Variants in NLK observed in about 807,000 individuals in gnomAD.
The protein encoded by NLK is serine/threonine-protein kinase NLK.
A neutral mutation model predicts 59.0 loss-of-function variants in NLK; 11 were observed. That is an observed-to-expected ratio of 0.19 (90% CI 0.12 to 0.31). The LOEUF (loss-of-function observed/expected upper bound fraction) is 0.31. NLK is among the 10% of genes least tolerant of loss of function. The pLI is 1.00. For synonymous variants in NLK, 235 were observed against 235.9 expected, an observed-to-expected ratio of 1.00 and a Z score of 0.03; for missense variants, 410 against 661.1, an observed-to-expected ratio of 0.62 and a Z score of 4.16.
intron 3 of NLK, among the ~76,000 whole-genome samples, chr17:28,142,255 A>C (rs1055215228): frequency 2.6e-5 from 4 of 152,166 alleles, no homozygotes; most frequent in Non-Finnish European, 5.9e-5. Flanking sequence ...TTAAATTACA[A>C]CTGAGGTAGT....
At position 28,122,694 on chromosome 17, in the gene NLK, C is replaced by T; in HGVS notation, c.550C>T (p.Arg184Trp). The T allele has an allele frequency of 6.2e-7, 1 of 1,613,528 alleles. No homozygotes were observed. Among genetic ancestry groups the T allele is most frequent in the Non-Finnish European group, 8.5e-7 (1 of 1,179,746 alleles). Residue 184 changes from arginine to tryptophan, a missense_variant, in exon 2 of 11, where the codon CGG (arginine) becomes TGG (tryptophan). Arg to Trp is a moderately radical substitution (Grantham distance 101, BLOSUM62 -3). Coordinates refer to ENST00000407008, the MANE Select transcript of NLK (RefSeq NM_016231.5). Reference protein sequence around the residue: ...QNLVSCKRVFRELKMLCFFKH... With the variant: ...QNLVSCKRVFWELKMLCFFKH... ...TCTGGTCTCTTGCAAAAGGGTCTTC[C>T]GGGAATTGAAGATGTTGTGTTTTTT... is the stretch of plus-strand genomic sequence containing the variant.
At chr17:28,150,034 G>A (rs1432551420) in intron 3 of NLK, among the ~76,000 whole-genome samples, 1 of 152,140 alleles carries the variant, frequency 6.6e-6, no homozygotes, top group Non-Finnish European at 1.5e-5. Flanking sequence ...ACAAATTGAG[G>A]TAATAGAACT....
chr17:28,060,736 T>C (rs1344289002), intron 1 of NLK, among the ~76,000 whole-genome samples: 2 of 152,204 alleles, frequency 1.3e-5, no homozygotes, highest in East Asian at 1.9e-4. Context: ...TTTAAACTGC[T>C]AGATATTTTA....
At chr17:28,159,988 A>G (rs926506947) in intron 3 of NLK, among the ~76,000 whole-genome samples, 3 of 152,200 alleles carry the variant, frequency 2.0e-5, no homozygotes, top group Non-Finnish European at 4.4e-5. Flanking sequence ...ACAGTTTTGG[A>G]CTTGTTAGTT....
intron 1 of NLK, chr17:28,061,960 T>C (rs887077347): frequency 6.8e-6 from 1 of 147,552 alleles, no homozygotes; most frequent in Admixed American, 6.9e-5. Context: ...AAGAAAACAG[T>C]GCCATCATGT....
At chr17:28,197,081 G>A (rs546564815), downstream of NLK, among the ~76,000 whole-genome samples, 1 of 152,126 alleles carries the variant, frequency 6.6e-6, no homozygotes, top group South Asian at 2.1e-4. Flanking sequence ...AGAATTACTT[G>A]TCAAGAAGCC....
intron 1 of NLK, among the ~76,000 whole-genome samples, chr17:28,053,585 A>T (rs192272695): frequency 5.3e-5 from 8 of 152,342 alleles, no homozygotes; most frequent in Admixed American, 2.0e-4. Flanking sequence ...AGTGTCAGGC[A>T]GCAGACTTCT....
intron 5 of NLK, among the ~76,000 whole-genome samples, chr17:28,164,098 G>A (rs935877114): frequency 1.3e-5 from 2 of 152,116 alleles, no homozygotes; most frequent in Non-Finnish European, 2.9e-5. Flanking sequence ...GGCCAGACAC[G>A]GTGGCTCATG....
At chr17:28,144,168 T>G (rs374623850) in intron 3 of NLK, among the ~76,000 whole-genome samples, 1 of 152,210 alleles carries the variant, frequency 6.6e-6, no homozygotes, top group Admixed American at 6.5e-5. Flanking sequence ...CTCCCCTTCC[T>G]ATGCCATGTA....
At chr17:28,192,599 C>T (rs1909345278) in intron 10 of NLK, among the ~76,000 whole-genome samples, 1 of 151,632 alleles carries the variant, frequency 6.6e-6, no homozygotes, top group African/African-American at 2.4e-5. Flanking sequence ...ACCCGGGAGG[C>T]AGAGGTTGCG....
At chr17:28,178,754 G>A (rs938405780) in intron 7 of NLK, among the ~76,000 whole-genome samples, 15 of 152,298 alleles carry the variant, frequency 9.8e-5, no homozygotes, top group East Asian at 9.6e-4. Flanking sequence ...TATTTTATAG[G>A]TGGGGATTTA....
intron 1 of NLK, among the ~76,000 whole-genome samples, chr17:28,049,612 G>A (rs1315700564): frequency 1.3e-5 from 2 of 152,168 alleles, no homozygotes; most frequent in African/African-American, 4.8e-5. Flanking sequence ...AATGAAACAT[G>A]CCTACTCTCA....
chr17:28,131,586 T>TA (rs35804817), intron 2 of NLK, among the ~76,000 whole-genome samples: 9,797 of 83,404 alleles, frequency 0.12, 761 homozygotes, highest in Non-Finnish European at 0.14. Flanking sequence ...TTCTCTGTAG[T>TA]AAAAAAAAAA....
intron 5 of NLK, among the ~76,000 whole-genome samples, chr17:28,165,492 T>C (rs545375003): frequency 6.6e-6 from 1 of 152,356 alleles, no homozygotes; most frequent in East Asian, 1.9e-4. Flanking sequence ...GGGCCTACTT[T>C]TAAAAAGCCA....
At chr17:28,144,394 G>GC (rs1211037333) in intron 3 of NLK, among the ~76,000 whole-genome samples, 8 of 94,996 alleles carry the variant, frequency 8.4e-5, no homozygotes, top group East Asian at 4.4e-4. Flanking sequence ...TCCAGGTGAA[G>GC]CCAAAAAAAA....
At chr17:28,177,655 C>T (rs1469366163) in intron 7 of NLK, among the ~76,000 whole-genome samples, 1 of 152,198 alleles carries the variant, frequency 6.6e-6, no homozygotes, top group Admixed American at 6.5e-5. Flanking sequence ...ATTACCATAA[C>T]AATCCTTCTG....
intron 1 of NLK, among the ~76,000 whole-genome samples, chr17:28,119,656 AATC>A (rs1450006337): frequency 6.6e-6 from 1 of 152,222 alleles, no homozygotes; most frequent in East Asian, 1.9e-4. Context: ...TTCAGGCAAA[AATC>A]ATGAGGGGAT....
intron 1 of NLK, among the ~76,000 whole-genome samples, chr17:28,054,889 A>G (rs1216122153): frequency 6.6e-6 from 1 of 152,188 alleles, no homozygotes; most frequent in Non-Finnish European, 1.5e-5. Flanking sequence ...TCTACAGAAA[A>G]TAAAAAATAA....
chr17:28,155,918 A>T (rs1339262751), intron 3 of NLK, among the ~76,000 whole-genome samples: 1 of 152,216 alleles, frequency 6.6e-6, no homozygotes, highest in African/African-American at 2.4e-5. Flanking sequence ...TAGAACTTAA[A>T]GTATTAAAAG....
Sources: gnomAD v4.1 joint callset for allele counts (sites outside exome capture counted in the v4.1 genomes callset) on GRCh38, gnomAD v4.1.1 for gene constraint, MANE v1.5 for transcripts, NCBI Gene and HGNC (gene_info 2026-07-23, HGNC 2026-07-21) for gene names.